MAP4: variants seen among roughly 807,000 people sequenced by gnomAD.
The protein encoded by MAP4 is microtubule associated protein 4.
In MAP4, 76 loss-of-function variants were observed where a neutral mutation model predicts 170.2. The observed-to-expected ratio is 0.45, with a 90% CI of 0.37 to 0.54. The LOEUF (loss-of-function observed/expected upper bound fraction) is 0.54, where lower values mean the gene tolerates loss of function less well. MAP4 is among the 20% of genes least tolerant of loss of function. The probability of loss-of-function intolerance (pLI) is 0.00; values close to 1 mark genes in which losing one functional copy is unlikely to be tolerated. For synonymous variants in MAP4, 909 were observed against 994.5 expected (o/e 0.91, Z 1.62); for missense variants, 2,506 against 2,748.0 (o/e 0.91, Z 1.97).
chr3:47,872,327 G>C (rs1304253790), intron 12 of MAP4, among the ~76,000 whole-genome samples: 1 of 152,174 alleles, frequency 6.6e-6, no homozygotes, highest in Non-Finnish European at 1.5e-5. Context: ...GGGACTACAG[G>C]CACGTGCCAC....
At chr3:47,871,316 T>C (rs759596296) in intron 13 of MAP4, 30 bp from the exon 14 acceptor site, 1 of 1,535,884 alleles carries the variant, frequency 6.5e-7, no homozygotes, top group Non-Finnish European at 9.0e-7. Context: ...TAATATAACA[T>C]TTAACAAACT....
At chr3:47,965,590 C>T (rs2100074379) in intron 3 of MAP4, among the ~76,000 whole-genome samples, 1 of 152,180 alleles carries the variant, frequency 6.6e-6, no homozygotes, top group South Asian at 2.1e-4. Flanking sequence ...TCATACTAGC[C>T]ATCCTAATGA....
intron 1 of MAP4, among the ~76,000 whole-genome samples, chr3:48,083,566 C>T (rs1012823276): frequency 4.0e-5 from 6 of 151,432 alleles, no homozygotes; most frequent in Non-Finnish European, 7.4e-5. Context: ...GGGTTTTTAC[C>T]ATGTTGGCCA....
chr3:48,023,055 C>T (rs889853532), intron 1 of MAP4, among the ~76,000 whole-genome samples: 1 of 152,058 alleles, frequency 6.6e-6, no homozygotes, highest in Non-Finnish European at 1.5e-5. Context: ...CCTAGGATGA[C>T]GATAATGCAC....
Position 47,911,044 on chromosome 3 carries a change from T to A in MAP4, c.3377A>T (p.Gln1126Leu). Reference protein sequence around the residue: ...SEELGLNSSKQPGTKADLTEA... With the variant: ...SEELGLNSSKLPGTKADLTEA... ...CGTGAGATCAGCCTTAGTGCCTGGT[T>A]GCTTTGAAGAATTCAGCCCCAGCTC... Residue 1126 changes from glutamine (Q) to leucine (L), a missense_variant, in exon 9 of 21, where the codon CAA (glutamine) becomes CTA (leucine). Coordinates refer to ENST00000683076, the MANE Select transcript of MAP4 (RefSeq NM_001385682.1). The surrounding 1 kb of genome is among the most constrained non-coding windows in gnomAD (Gnocchi z 4.0). 1 of 1,536,210 alleles carries A rather than the reference T, an allele frequency of 6.5e-7. No homozygotes were observed. Among genetic ancestry groups the A allele is most frequent in the South Asian group, 1.2e-5 (1 of 84,066 alleles).
At chr3:47,883,792 T>A (rs530029242) in intron 10 of MAP4, among the ~76,000 whole-genome samples, 2 of 152,192 alleles carry the variant, frequency 1.3e-5, no homozygotes. Flanking sequence ...CCACTTCTTT[T>A]TGCATTCCCC....
At chr3:48,027,775 C>G (rs1371899930) in intron 1 of MAP4, among the ~76,000 whole-genome samples, 1 of 152,110 alleles carries the variant, frequency 6.6e-6, no homozygotes, top group Non-Finnish European at 1.5e-5. Context: ...GAGGTCAAGG[C>G]TGCAGTGAGC....
intron 1 of MAP4, among the ~76,000 whole-genome samples, chr3:48,055,473 C>G (rs1307628319): frequency 6.7e-6 from 1 of 150,224 alleles, no homozygotes; most frequent in African/African-American, 2.5e-5. Context: ...CCCGAGGTGC[C>G]GGGATTGCAG....
At chr3:47,943,565 C>T (rs923440964) in intron 3 of MAP4, among the ~76,000 whole-genome samples, 1 of 149,458 alleles carries the variant, frequency 6.7e-6, no homozygotes, top group Non-Finnish European at 1.5e-5. Context: ...GCCCAGATCC[C>T]GTACTGCATT....
intron 1 of MAP4, among the ~76,000 whole-genome samples, chr3:48,078,775 T>C (rs1048967856): frequency 6.6e-6 from 1 of 152,138 alleles, no homozygotes; most frequent in Non-Finnish European, 1.5e-5. Context: ...CATAAGAAAA[T>C]GACTGAGAGC....
intron 3 of MAP4, among the ~76,000 whole-genome samples, chr3:47,944,350 C>T (rs1258112625): frequency 6.6e-6 from 1 of 151,852 alleles, no homozygotes; most frequent in East Asian, 1.9e-4. Context: ...CATGCAACTT[C>T]CTTTCTCATT....
intron 1 of MAP4, among the ~76,000 whole-genome samples, chr3:48,047,445 A>G (rs1277039603): frequency 6.6e-6 from 1 of 152,104 alleles, no homozygotes; most frequent in Non-Finnish European, 1.5e-5. Context: ...GAGCAAAATC[A>G]GAGTCTTCGT....
intron 2 of MAP4, among the ~76,000 whole-genome samples, chr3:47,986,917 G>A (rs2100089092): frequency 6.6e-6 from 1 of 152,118 alleles, no homozygotes; most frequent in African/African-American, 2.4e-5. Flanking sequence ...ACAATTGTTT[G>A]TTAGTCTGTA....
At chr3:47,974,652 G>T (rs1053201452) in intron 3 of MAP4, 1 of 944,176 alleles carries the variant, frequency 1.1e-6, no homozygotes, top group Non-Finnish European at 1.3e-6. Flanking sequence ...GCATACCATT[G>T]TACAGTACTA....
At chr3:48,053,894 C>T (rs2100129229) in intron 1 of MAP4, among the ~76,000 whole-genome samples, 1 of 152,036 alleles carries the variant, frequency 6.6e-6, no homozygotes, top group South Asian at 2.1e-4. Flanking sequence ...TATATATTCA[C>T]AGGAAATGTC....
At chr3:47,854,231 CCTTGGAAA>C (rs1418938100) in intron 19 of MAP4, among the ~76,000 whole-genome samples, 5 of 152,322 alleles carry the variant, frequency 3.3e-5, no homozygotes, top group African/African-American at 1.2e-4. Flanking sequence ...CTCGCTGTGT[CCTTGGAAA>C]AGAGACTAAA....
chr3:48,086,637 AAAAT>A (rs1028565540), intron 1 of MAP4, among the ~76,000 whole-genome samples: 11 of 152,190 alleles, frequency 7.2e-5, no homozygotes, highest in African/African-American at 2.4e-4. Context: ...CCCTGTCTCA[AAAAT>A]AAATAAATAA....
intron 2 of MAP4, among the ~76,000 whole-genome samples, chr3:47,991,048 G>A (rs1224001725): frequency 2.0e-5 from 3 of 152,144 alleles, no homozygotes; most frequent in Non-Finnish European, 4.4e-5. Context: ...AGTGCAAAAG[G>A]AAATGAGTAT....
At chr3:48,014,461 G>C (rs2100106805) in intron 1 of MAP4, among the ~76,000 whole-genome samples, 1 of 152,092 alleles carries the variant, frequency 6.6e-6, no homozygotes, top group Admixed American at 6.6e-5. Flanking sequence ...AGCTAGAACA[G>C]AGCTTGGGCA....
Sources: gnomAD v4.1 joint callset for allele counts (sites outside exome capture counted in the v4.1 genomes callset) on GRCh38, gnomAD v4.1.1 for gene constraint, Gnocchi (gnomAD v3.1) non-coding constraint, MANE v1.5 for transcripts, NCBI Gene and HGNC (gene_info 2026-07-23, HGNC 2026-07-21) for gene names.